Variants in DNAH5 observed in about 807,000 individuals in gnomAD.
The protein encoded by DNAH5 is axonemal beta dynein heavy chain 5.
Under a neutral mutation model 518.2 loss-of-function variants are expected in DNAH5, and 372 were observed. The ratio of observed to expected loss-of-function variants is 0.72; its 90% confidence interval spans 0.66 to 0.78. The LOEUF is 0.78. DNAH5 is among the 30% of genes least tolerant of loss of function. The pLI is 0.00. For missense variants in DNAH5, 5,523 were observed against 5,687.0 expected (o/e 0.97, Z 0.93); for synonymous variants, 2,039 against 2,025.9 (o/e 1.01, Z -0.17).
chr5:13,749,003 A>G (rs1285153910), intron 65 of DNAH5, among the ~76,000 whole-genome samples: 1 of 152,090 alleles, frequency 6.6e-6, no homozygotes, highest in Non-Finnish European at 1.5e-5. Flanking sequence ...ACTCAGACCC[A>G]TCTGCACCAC....
At chr5:13,860,877 C>T (rs962483105) in intron 29 of DNAH5, among the ~76,000 whole-genome samples, 3 of 152,188 alleles carry the variant, frequency 2.0e-5, no homozygotes, top group South Asian at 2.1e-4. Flanking sequence ...GACTTGAAGT[C>T]GTATTATTGC....
intron 1 of DNAH5, among the ~76,000 whole-genome samples, chr5:13,979,105 G>A (rs142995277): frequency 3.3e-5 from 5 of 151,896 alleles, no homozygotes; most frequent in Non-Finnish European, 5.9e-5. Context: ...GTCTCTCCTC[G>A]TGACTCCCTC....
chr5:13,947,106 T>C (rs906082419), upstream of DNAH5, among the ~76,000 whole-genome samples: 1 of 152,182 alleles, frequency 6.6e-6, no homozygotes, highest in Admixed American at 6.5e-5. Flanking sequence ...TTACTGGGGG[T>C]AGATATTAAG....
intron 31 of DNAH5, among the ~76,000 whole-genome samples, chr5:13,847,205 G>T (rs1025126848): frequency 6.6e-6 from 1 of 151,458 alleles, no homozygotes; most frequent in African/African-American, 2.5e-5. Context: ...GCTTGGGAGG[G>T]TGTTGTTTTT....
chr5:13,998,270 C>T (rs946458989), intron 1 of DNAH5, among the ~76,000 whole-genome samples: 1 of 152,206 alleles, frequency 6.6e-6, no homozygotes, highest in Non-Finnish European at 1.5e-5. Flanking sequence ...AGTGGAAGGG[C>T]TGATGGGACT....
At chr5:13,752,703 G>A (rs1217968659) in intron 63 of DNAH5, among the ~76,000 whole-genome samples, 1 of 152,164 alleles carries the variant, frequency 6.6e-6, no homozygotes, top group East Asian at 1.9e-4. Context: ...CAAGTATTTA[G>A]GATAAGGGGC....
At chr5:13,758,425 T>A (rs962500419) in intron 61 of DNAH5, among the ~76,000 whole-genome samples, 5 of 152,058 alleles carry the variant, frequency 3.3e-5, no homozygotes, top group African/African-American at 1.2e-4. Flanking sequence ...ACCCCAGGAA[T>A]TCAAGGCTGC....
At chr5:13,812,306 G>A (rs1413964587) in intron 43 of DNAH5, among the ~76,000 whole-genome samples, 1 of 151,314 alleles carries the variant, frequency 6.6e-6, no homozygotes, top group Non-Finnish European at 1.5e-5. Flanking sequence ...CCATACCCAG[G>A]TTTTTTTTTC....
intron 1 of DNAH5, among the ~76,000 whole-genome samples, chr5:13,987,436 G>C (rs750976143): frequency 2.2e-4 from 34 of 152,032 alleles, no homozygotes; most frequent in Non-Finnish European, 4.0e-4. Flanking sequence ...TACGGTGACA[G>C]CTACTTTAGC....
chr5:13,919,510 T>A, intron 6 of DNAH5, 158 bp from the exon 7 acceptor site: 1 of 788,620 alleles, frequency 1.3e-6, no homozygotes, highest in Non-Finnish European at 1.9e-6. Flanking sequence ...TCACTTAGCA[T>A]GCATCCATTT....
intron 15 of DNAH5, 156 bp downstream of exon 15, chr5:13,900,050 A>C (rs1389705822): frequency 1.5e-6 from 1 of 687,812 alleles, no homozygotes; most frequent in Non-Finnish European, 2.5e-6. Context: ...GCCTGGCCCC[A>C]GCCAACTCTG....
chr5:13,805,329 C>G (rs532941693), intron 47 of DNAH5, among the ~76,000 whole-genome samples: 39 of 152,210 alleles, frequency 2.6e-4, no homozygotes, highest in Admixed American at 2.6e-3. Flanking sequence ...GAAACCCCAT[C>G]TCTACTAAAA....
At chr5:13,756,786 A>T (rs1395315729) in intron 61 of DNAH5, among the ~76,000 whole-genome samples, 1 of 152,128 alleles carries the variant, frequency 6.6e-6, no homozygotes, top group Non-Finnish European at 1.5e-5. Flanking sequence ...TTTGTTGTGA[A>T]GATTTTTTCA....
Position 13,928,192 on chromosome 5 carries a change from A to G in DNAH5, c.193-14T>C. The G allele has an allele frequency of 6.3e-7, 1 of 1,599,388 alleles. No homozygotes were observed. On this transcript the variant is annotated splice_polypyrimidine_tract_variant and intron_variant, in intron 2 of 78. Coordinates refer to ENST00000265104, the MANE Select transcript of DNAH5 (RefSeq NM_001369.3). ...AATTCTTTCAATCTGGGAAAAAGAAAAAGGCAAGATAATGATTTTCAATCC... is the reference window on the plus strand; with the variant it reads ...AATTCTTTCAATCTGGGAAAAAGAAGAAGGCAAGATAATGATTTTCAATCC...
intron 32 of DNAH5, among the ~76,000 whole-genome samples, chr5:13,842,472 A>AAAGAAAGAAAGAAAGAAAGG (rs1765390341): frequency 8.3e-6 from 1 of 120,508 alleles, no homozygotes; most frequent in African/African-American, 3.4e-5. Flanking sequence ...AGAAAGAAAG[A>AAAGAAAGAAAGAAAGAAAGG]AAGAAAGAAA....
At chr5:13,988,986 C>T (rs1354377855) in intron 1 of DNAH5, among the ~76,000 whole-genome samples, 2 of 152,090 alleles carry the variant, frequency 1.3e-5, no homozygotes, top group East Asian at 3.9e-4. Context: ...CTCGACCTCC[C>T]AAAATGCTGG....
Position 13,817,619 on chromosome 5 carries a change from T to C in DNAH5, c.6917A>G (p.Asp2306Gly), listed in dbSNP as rs777399370. ...ITAPQMFGRL[D>G]VATNDWTDGI... ...ATCAGTCCAGTCATTTGTGGCAACG[T>C]CCAGCCGACCAAACATCTGTGGGGC... The change falls in exon 42 of 79, where the codon GAC becomes GGC. Residue 2306 changes from aspartate (D) to glycine (G), a missense_variant. This residue lies in a region of DNAH5 where 5,121 missense variants were observed against 5,223.3 expected (regional missense o/e 0.98). Coordinates refer to ENST00000265104, the MANE Select transcript of DNAH5 (RefSeq NM_001369.3). 6.2e-7 allele frequency: 1 copy of C among 1,614,200 alleles called. No homozygotes were observed. Among genetic ancestry groups the C allele is most frequent in the Non-Finnish European group, 8.5e-7 (1 of 1,180,012 alleles).
At chr5:13,894,889 C>G (rs1190190720) in intron 15 of DNAH5, 68 bp from the exon 16 acceptor site, 15 of 1,556,412 alleles carry the variant, frequency 9.6e-6, no homozygotes, top group South Asian at 8.9e-5. Context: ...TATCTCATGT[C>G]TTATACAAAA....
rs564968040 is a variant in DNAH5, at chr5:13,772,574, T to C, written c.9374-1594A>G. Among the ~76,000 whole-genome samples the C allele has an allele frequency of 2.6e-5, 4 of 152,358 alleles. No individual in the cohort carries two copies. The South Asian group carries it at 8.3e-4, about 32-fold the overall frequency. ...CATCACCAAGGCAGTAATGCCAGTT[T>C]TGGGGCTACCTCCAGGGATTTTACA... On this transcript the variant is annotated intron_variant, in intron 55 of 78. Transcript: ENST00000265104.
Sources: allele counts gnomAD v4.1 joint callset (sites outside exome capture counted in the v4.1 genomes callset), GRCh38; gene constraint gnomAD v4.1.1; regional missense constraint gnomAD v4.1.1; transcripts MANE v1.5; gene names NCBI Gene and HGNC (gene_info 2026-07-23, HGNC 2026-07-21).